Variants in HDAC4 observed in about 807,000 individuals in gnomAD.
HDAC4 encodes histone deacetylase 4, also known as histone deacetylase A.
In HDAC4, 16 loss-of-function variants were observed where a neutral mutation model predicts 135.1. The ratio of observed to expected loss-of-function variants is 0.12; its 90% CI spans 0.08 to 0.18. The LOEUF (loss-of-function observed/expected upper bound fraction) is 0.18, where lower values mean the gene tolerates loss of function less well. HDAC4 is among the 10% of genes least tolerant of loss of function. The probability of loss-of-function intolerance (pLI) is 1.00; values close to 1 mark genes in which losing one functional copy is unlikely to be tolerated. For synonymous variants in HDAC4, 685 were observed against 653.4 expected, an observed-to-expected ratio of 1.05 and a Z score of -0.74; for missense variants, 1,143 against 1,511.8, an observed-to-expected ratio of 0.76 and a Z score of 4.05.
At chr2:239,074,463 TG>T (rs1314307391) in intron 22 of HDAC4, among the ~76,000 whole-genome samples, 2 of 152,264 alleles carry the variant, frequency 1.3e-5, no homozygotes, top group African/African-American at 2.4e-5. Context: ...GAGTCTCTGC[TG>T]TCTAGGCTTG....
chr2:239,159,245 G>A (rs142012640), intron 6 of HDAC4, among the ~76,000 whole-genome samples: 4 of 139,368 alleles, frequency 2.9e-5, no homozygotes, highest in Non-Finnish European at 6.2e-5. Flanking sequence ...CACACCTGAC[G>A]CTCGCACCTA....
chr2:239,298,105 T>TA, intron 2 of HDAC4: 24 of 853,066 alleles, frequency 2.8e-5, no homozygotes, highest in South Asian at 4.1e-5. Flanking sequence ...TTTCACAGGA[T>TA]AAAAAAAATT....
chr2:239,235,105 A>C (rs1166888738), intron 3 of HDAC4, among the ~76,000 whole-genome samples: 1 of 152,158 alleles, frequency 6.6e-6, no homozygotes, highest in African/African-American at 2.4e-5. Context: ...CCCAGGCTCC[A>C]GTGTGCTGGG....
At chr2:239,176,250 C>T (rs1252325635) in intron 5 of HDAC4, among the ~76,000 whole-genome samples, 163 bp downstream of exon 5, 4 of 138,604 alleles carry the variant, frequency 2.9e-5, no homozygotes, top group Admixed American at 2.2e-4. Context: ...CTTCCGTGCC[C>T]GCACCCCTCC....
At chr2:239,364,601 G>A (rs1285407616) in intron 1 of HDAC4, among the ~76,000 whole-genome samples, 1 of 152,252 alleles carries the variant, frequency 6.6e-6, no homozygotes, top group Non-Finnish European at 1.5e-5. Context: ...TGGAAGAGAA[G>A]GCAGAGCCTT....
chr2:239,367,138 G>C (rs1238387868), intron 1 of HDAC4, among the ~76,000 whole-genome samples: 1 of 152,120 alleles, frequency 6.6e-6, no homozygotes, highest in Non-Finnish European at 1.5e-5. Context: ...ATGCGATCTG[G>C]GGTCCCAGAG....
chr2:239,300,649 T>G (rs1199964896), intron 2 of HDAC4, among the ~76,000 whole-genome samples: 1 of 152,078 alleles, frequency 6.6e-6, no homozygotes, highest in Non-Finnish European at 1.5e-5. Flanking sequence ...CAGGCTGAGC[T>G]TCCCTGCAGA....
chr2:239,241,460 T>C (rs2048171025), intron 2 of HDAC4, among the ~76,000 whole-genome samples: 2 of 152,254 alleles, frequency 1.3e-5, no homozygotes, highest in Non-Finnish European at 2.9e-5. Context: ...CTTTTTGACC[T>C]GTTTTTTGCC....
chr2:239,327,742 G>A (rs908431579), intron 2 of HDAC4, among the ~76,000 whole-genome samples: 1 of 152,176 alleles, frequency 6.6e-6, no homozygotes, highest in Non-Finnish European at 1.5e-5. Context: ...TCCCCAAAGC[G>A]TGCCTGTGCC....
intron 2 of HDAC4, among the ~76,000 whole-genome samples, chr2:239,289,040 C>T (rs2051307285): frequency 6.6e-6 from 1 of 152,172 alleles, no homozygotes; most frequent in South Asian, 2.1e-4. Flanking sequence ...CCCTGCTGGC[C>T]CCAGGACAGG....
intron 2 of HDAC4, among the ~76,000 whole-genome samples, chr2:239,341,408 C>T (rs908263): frequency 0.057 from 8,631 of 152,316 alleles, 358 homozygotes; most frequent in Non-Finnish European, 0.08. Context: ...GAAGAATCAG[C>T]CCCACCTGAT....
At chr2:239,330,615 T>C (rs1399130182) in intron 2 of HDAC4, among the ~76,000 whole-genome samples, 2 of 152,204 alleles carry the variant, frequency 1.3e-5, no homozygotes, top group Non-Finnish European at 2.9e-5. Flanking sequence ...ACCTTCACAC[T>C]CTGTTTTCTT....
intron 1 of HDAC4, among the ~76,000 whole-genome samples, chr2:239,370,139 C>T (rs897622278): frequency 2.0e-5 from 3 of 152,192 alleles, no homozygotes; most frequent in Admixed American, 1.3e-4. Context: ...GGTAGCATCC[C>T]GACTTTTCCC....
At chr2:239,100,906 G>A (rs1033103371) in intron 16 of HDAC4, among the ~76,000 whole-genome samples, 2 of 152,138 alleles carry the variant, frequency 1.3e-5, no homozygotes, top group Non-Finnish European at 2.9e-5. Context: ...GTGGAAGGGT[G>A]CTGTACCCCT....
intron 2 of HDAC4, among the ~76,000 whole-genome samples, chr2:239,259,861 T>C (rs1380590140): frequency 1.3e-5 from 2 of 152,102 alleles, no homozygotes; most frequent in Non-Finnish European, 2.9e-5. Context: ...AAGTAGGAAA[T>C]ATGGCCTTGT....
intron 20 of HDAC4, among the ~76,000 whole-genome samples, chr2:239,082,831 G>GC (rs2035480610): frequency 6.6e-6 from 1 of 152,248 alleles, no homozygotes; most frequent in African/African-American, 2.4e-5. Flanking sequence ...AGCACAGGCA[G>GC]CCTGGGGCTT....
In HDAC4 at chr2:239,068,711, C is replaced by A; in HGVS notation, c.2751-104G>T. The A allele has an allele frequency of 1.0e-6, 1 of 996,950 alleles. No homozygotes were observed. The highest frequency in any genetic ancestry group is 1.3e-5 in the South Asian group (1 of 78,074). The allele number at this position is 996,950 out of a possible 1,614,324, so 61.8% of individuals were successfully genotyped here. On this transcript the variant is annotated intron_variant, in intron 22 of 26. Coordinates refer to ENST00000543185, the MANE Select transcript of HDAC4 (RefSeq NM_001378414.1). The surrounding 1 kb of genome is among the most constrained non-coding windows in gnomAD (Gnocchi z 4.4). ...GGCATTGATAATGCCTGCCCCGCAC[C>A]CCCTCGGCCACTGGCGGGCTGAGGG...
intron 16 of HDAC4, among the ~76,000 whole-genome samples, chr2:239,096,512 C>T (rs2037075595): frequency 1.7e-5 from 2 of 114,314 alleles, no homozygotes; most frequent in African/African-American, 6.7e-5. Flanking sequence ...TGGACACCCA[C>T]ACCCCCCATG....
chr2:239,385,567 C>T (rs1053815981), intron 1 of HDAC4, among the ~76,000 whole-genome samples: 10 of 152,258 alleles, frequency 6.6e-5, no homozygotes, highest in Non-Finnish European at 1.5e-4. Context: ...CTGCCTGTGC[C>T]AGGAGCCCTT....
Sources: allele counts gnomAD v4.1 joint callset (sites outside exome capture counted in the v4.1 genomes callset), GRCh38; gene constraint gnomAD v4.1.1; non-coding constraint Gnocchi (gnomAD v3.1); transcripts MANE v1.5; gene names NCBI Gene and HGNC (gene_info 2026-07-23, HGNC 2026-07-21).